Variants in NTN5 observed in about 807,000 individuals in gnomAD.
NTN5 encodes the protein netrin 5.
Under a neutral mutation model 38.7 loss-of-function variants are expected in NTN5, and 42 were observed. The ratio of observed to expected loss-of-function variants is 1.08; its 90% CI spans 0.85 to 1.40. The LOEUF (loss-of-function observed/expected upper bound fraction) is 1.40, where lower values mean the gene tolerates loss of function less well. NTN5 is among the 40% of genes most tolerant of loss of function. The pLI is 0.00. For missense variants in NTN5, 658 were observed against 716.5 expected (o/e 0.92, Z 0.93); for synonymous variants, 329 against 303.9 (o/e 1.08, Z -0.86).
At chr19:48,666,092 C>T (rs1362586288) in intron 2 of NTN5, among the ~76,000 whole-genome samples, 1 of 152,196 alleles carries the variant, frequency 6.6e-6, no homozygotes, top group Non-Finnish European at 1.5e-5. Context: ...ATTTCATCTC[C>T]ACAAGGGCTC....
rs894091364 is a variant in NTN5 at position 48,664,767 on chromosome 19, G to C, written c.632C>G (p.Pro211Arg). The C allele has an allele frequency of 2.6e-6, 4 of 1,544,378 alleles. No individual in the cohort carries two copies. In the Admixed American group the frequency reaches 6.2e-5, roughly 24 times the overall value. The change falls in exon 3 of 7, where the codon CCC (proline) becomes CGC (arginine). Residue 211 changes from proline (P) to arginine (R), a missense_variant and splice_region_variant. Coordinates refer to ENST00000270235, the MANE Select transcript of NTN5 (RefSeq NM_145807.4). ...TCGGGCGTGCTGGTTGCAGGAGCAG[G>C]CTAGGAGCAAAATGGGGTGGGGGCG... ...ATPRHPHPCL[P>R]CSCNQHARRC... is the part of the protein sequence containing the mutation.
chr19:48,669,648 A>G (rs1404601578), intron 2 of NTN5, among the ~76,000 whole-genome samples: 5 of 122,050 alleles, frequency 4.1e-5, no homozygotes. Flanking sequence ...CACCATCACC[A>G]CCACCAACAC....
chr19:48,663,931 G>T, intron 4 of NTN5, 117 bp from the exon 5 acceptor site: 1 of 1,188,074 alleles, frequency 8.4e-7, no homozygotes. Flanking sequence ...GGACTCAAGA[G>T]TGCAAGCATC....
At chr19:48,663,206 G>C in intron 6 of NTN5, 1 of 606,660 alleles carries the variant, frequency 1.6e-6, no homozygotes, top group Non-Finnish European at 3.1e-6. Flanking sequence ...GAGATGTCAG[G>C]CTGAAGGAGA....
rs1212310929 is a variant in NTN5 at position 48,661,808 on chromosome 19, C to A, written c.1339G>T (p.Asp447Tyr). 2 of 1,352,900 alleles carry A rather than the reference C, an allele frequency of 1.5e-6. No homozygotes were observed. Among genetic ancestry groups the A allele is most frequent in the African/African-American group, 1.6e-5 (1 of 64,452 alleles). The allele number at this position is 1,352,900 out of a possible 1,614,324, so 83.8% of individuals were successfully genotyped here. Residue 447 changes from aspartate (D) to tyrosine (Y), a missense_variant, in exon 7 of 7, where the codon GAC (aspartate) becomes TAC (tyrosine). Transcript: ENST00000270235. ...CATGGCAGCGCGAGGCCGTGGCGGTCGAGGATGAGGCGCGTGGGGTCGGGG... is the reference window on the plus strand; with the variant it reads ...CATGGCAGCGCGAGGCCGTGGCGGTAGAGGATGAGGCGCGTGGGGTCGGGG... ...GDPDPTRLIL[D>Y]RHGLALPWRP...
Position 48,661,778 on chromosome 19 carries a change from G to C in NTN5, c.1369C>G (p.Pro457Ala). 1 of 1,422,392 alleles carries C rather than the reference G, an allele frequency of 7.0e-7. No homozygotes were observed. Among genetic ancestry groups the C allele is most frequent in the Non-Finnish European group, 9.1e-7 (1 of 1,098,510 alleles). 88.1% of individuals were successfully genotyped at this position (1,422,392 alleles called of 1,614,324 possible). A position where few individuals can be genotyped will look rare whatever the true frequency, so the allele number is the denominator to read the frequency against. ...CGCTTCAGGGGCCGGGCCCAGCGCG[G>C]CCTCCATGGCAGCGCGAGGCCGTGG... ...DRHGLALPWR[P>A]RWARPLKRLQ... Residue 457 changes from proline (P) to alanine (A), a missense_variant, in exon 7 of 7, where the codon CCG (proline) becomes GCG (alanine). Pro to Ala is a conservative substitution (Grantham distance 27). Coordinates refer to ENST00000270235, the MANE Select transcript of NTN5 (RefSeq NM_145807.4).
intron 2 of NTN5, chr19:48,667,254 G>A (rs1414646237): frequency 5.6e-6 from 1 of 177,094 alleles, no homozygotes; most frequent in South Asian, 7.6e-5. Flanking sequence ...TGCAGACCAG[G>A]ATGTCTGTGA....
Position 48,664,737 on chromosome 19 carries a change from C to T in NTN5, c.662G>A (p.Cys221Tyr). The T allele has an allele frequency of 6.3e-7, 1 of 1,581,210 alleles. No individual in the cohort carries two copies. Among genetic ancestry groups the T allele is most frequent in the African/African-American group, 1.4e-5 (1 of 73,924 alleles). ...TCTGAACAGCTCAGAGTTGAACCGG[C>T]AGCGTCGGGCGTGCTGGTTGCAGGA... ...PCSCNQHARR[C>Y]RFNSELFRLS... Residue 221 changes from cysteine to tyrosine, a missense_variant, in exon 3 of 7, where the codon TGC becomes TAC. By Grantham distance (194) the Cys-to-Tyr change is radical. Coordinates refer to ENST00000270235, the MANE Select transcript of NTN5 (RefSeq NM_145807.4).
intron 2 of NTN5, among the ~76,000 whole-genome samples, chr19:48,666,299 G>C (rs1021900953): frequency 1.4e-4 from 22 of 152,224 alleles, no homozygotes; most frequent in African/African-American, 4.8e-4. Flanking sequence ...GGGAGCGTTT[G>C]TCAGGTGTTT....
rs1191081433 is a variant in NTN5, at chr19:48,664,708, A to G, written c.691T>C (p.Ser231Pro). 4 of 1,603,014 alleles carry G rather than the reference A, an allele frequency of 2.5e-6. No homozygotes were observed. Among genetic ancestry groups the G allele is most frequent in the Non-Finnish European group, 3.4e-6 (4 of 1,174,874 alleles). ...CRFNSELFRL[S>P]GGRSGGVCER... ...CAAACACCCCCACTCCGGCCGCCCGACAGTCTGAACAGCTCAGAGTTGAAC... is the reference window on the plus strand; with the variant it reads ...CAAACACCCCCACTCCGGCCGCCCGGCAGTCTGAACAGCTCAGAGTTGAAC... The change falls in exon 3 of 7, where the codon TCG becomes CCG. Residue 231 changes from serine (S) to proline (P), a missense_variant. Coordinates refer to ENST00000270235, the MANE Select transcript of NTN5 (RefSeq NM_145807.4).
Position 48,661,931 on chromosome 19 carries a change from C to T in NTN5, c.1216G>A (p.Asp406Asn). 7.3e-7 allele frequency: 1 copy of T among 1,369,216 alleles called. No individual in the cohort carries two copies. Among genetic ancestry groups the T allele is most frequent in the Non-Finnish European group, 9.4e-7 (1 of 1,065,292 alleles). The allele number at this position is 1,369,216 out of a possible 1,614,324, so 84.8% of individuals were successfully genotyped here. A position where few individuals can be genotyped will look rare whatever the true frequency, so the allele number is the denominator to read the frequency against. The change falls in exon 7 of 7, where the codon GAC (aspartate) becomes AAC (asparagine). Residue 406 changes from aspartate (D) to asparagine (N), a missense_variant. Transcript: ENST00000270235. ...GCGCGGGGCACCCAGGCGTCCTGGT[C>T]GCCGCGTCGCACGGGCTGCGCCCGC... ...KQRAQPVRRGDQDAWVPRADL... is the reference protein window; with the variant it reads ...KQRAQPVRRGNQDAWVPRADL...
chr19:48,667,462 T>TG, intron 2 of NTN5: 1 of 321,910 alleles, frequency 3.1e-6, no homozygotes, highest in Non-Finnish European at 6.4e-6. Flanking sequence ...TCCTCAGGCC[T>TG]GGTGAGTCTC....
intron 6 of NTN5, 44 bp from the exon 7 acceptor site, chr19:48,662,085 A>G: frequency 7.1e-7 from 1 of 1,403,508 alleles, no homozygotes; most frequent in Non-Finnish European, 9.2e-7. Flanking sequence ...GGGAGCTTCC[A>G]GGGTACCTCT....
intron 2 of NTN5, 121 bp downstream of exon 2, chr19:48,670,235 T>C (rs2031918065): frequency 5.7e-6 from 6 of 1,058,658 alleles, no homozygotes; most frequent in Non-Finnish European, 7.6e-6. Context: ...AGTCTGAGAC[T>C]GGGGTGAGAG....
chr19:48,666,640 AGAGT>A (rs2031710268), intron 2 of NTN5, among the ~76,000 whole-genome samples: 1 of 150,306 alleles, frequency 6.7e-6, no homozygotes, highest in South Asian at 2.1e-4. Context: ...CAAGCACTGC[AGAGT>A]GAGATGCTGA....
At chr19:48,669,983 ATCAC>A (rs2031906149) in intron 2 of NTN5, among the ~76,000 whole-genome samples, 1 of 124,380 alleles carries the variant, frequency 8.0e-6, no homozygotes, top group Non-Finnish European at 1.7e-5. Flanking sequence ...CATCACCATC[ATCAC>A]CACCACCATC....
Position 48,670,786 on chromosome 19 carries a change from C to G in NTN5, c.201G>C (p.Leu67Phe), listed in dbSNP as rs2031941942. 1.2e-6 allele frequency: 2 copies of G among 1,612,986 alleles called. No individual in the cohort carries two copies. Among genetic ancestry groups the G allele is most frequent in the South Asian group, 2.2e-5 (2 of 91,094 alleles). Residue 67 changes from leucine (L) to phenylalanine (F), a missense_variant, in exon 2 of 7, where the codon TTG becomes TTC. Physicochemically the swap from Leu to Phe is conservative, Grantham distance 22. Transcript: ENST00000270235. ...ARETCNGSLT[L>F]ALGGPFLLTS... ...TCAGGAGGAAGGGGCCACCCAGGGCCAAAGTCAGGCTGCCATTGCAGGTTT... is the reference window on the plus strand; with the variant it reads ...TCAGGAGGAAGGGGCCACCCAGGGCGAAAGTCAGGCTGCCATTGCAGGTTT...
At chr19:48,669,205 C>T (rs1320917425) in intron 2 of NTN5, among the ~76,000 whole-genome samples, 2 of 43,014 alleles carry the variant, frequency 4.6e-5, no homozygotes, top group Non-Finnish European at 8.3e-5. Context: ...CCACCATCAC[C>T]ATCACCACCA....
chr19:48,670,976 G>A lies in NTN5; in HGVS notation c.11C>T (p.Thr4Ile). The A allele has an allele frequency of 6.5e-7, 1 of 1,536,936 alleles. No homozygotes were observed. The highest frequency in any genetic ancestry group is 8.8e-7 in the Non-Finnish European group (1 of 1,142,112). ...GCCCAGGAGGAGCAGGAGGGCAAAGGTCACGGGCATGGTCACAGCAGAGCC... is the reference window on the plus strand; with the variant it reads ...GCCCAGGAGGAGCAGGAGGGCAAAGATCACGGGCATGGTCACAGCAGAGCC... MPV[T>I]FALLLLLGQA... is the part of the protein sequence containing the mutation. Residue 4 changes from threonine (T) to isoleucine (I), a missense_variant, in exon 2 of 7, where the codon ACC (threonine) becomes ATC (isoleucine). Transcript: ENST00000270235.
Sources: allele counts gnomAD v4.1 joint callset (sites outside exome capture counted in the v4.1 genomes callset), GRCh38; gene constraint gnomAD v4.1.1; transcripts MANE v1.5; gene names NCBI Gene and HGNC (gene_info 2026-07-23, HGNC 2026-07-21).